FCHO2: variants seen among roughly 807,000 people sequenced by gnomAD.
FCHO2 encodes FCH and mu domain containing endocytic adaptor 2.
FCHO2 carries 43 observed loss-of-function variants against 114.1 expected under a neutral mutation model. The ratio of observed to expected loss-of-function variants is 0.38; its 90% confidence interval spans 0.30 to 0.49. FCHO2 has a LOEUF of 0.49. Among genes scored for constraint, FCHO2 ranks in the 20% least tolerant of loss-of-function variants. FCHO2 has a pLI of 0.97. For synonymous variants in FCHO2, 293 were observed against 315.2 expected (o/e 0.93, Z 0.75); for missense variants, 807 against 950.4 (o/e 0.85, Z 1.98).
intron 2 of FCHO2, among the ~76,000 whole-genome samples, chr5:72,983,408 T>C (rs964623656): frequency 1.3e-5 from 2 of 151,694 alleles, no homozygotes; most frequent in Non-Finnish European, 2.9e-5. Context: ...TTTGAGACAG[T>C]GTCTTGTTCT....
At chr5:73,087,566 G>A (rs377489722) in intron 24 of FCHO2, 23 bp from the exon 25 acceptor site, 1 of 1,611,320 alleles carries the variant, frequency 6.2e-7, no homozygotes, top group South Asian at 1.1e-5. Flanking sequence ...CCCTGTGTAA[G>A]TGCTTTATTC....
chr5:72,985,362 A>G (rs886166061), intron 2 of FCHO2, among the ~76,000 whole-genome samples: 1 of 151,820 alleles, frequency 6.6e-6, no homozygotes, highest in Non-Finnish European at 1.5e-5. Flanking sequence ...GGGTTTCACC[A>G]TGTTGGCCAG....
intron 5 of FCHO2, among the ~76,000 whole-genome samples, chr5:72,999,972 C>T (rs1754341880): frequency 6.6e-6 from 1 of 152,116 alleles, no homozygotes; most frequent in African/African-American, 2.4e-5. Flanking sequence ...GCTCCAGCTT[C>T]CCTTTTATTT....
chr5:73,047,402 T>C (rs1174551623), intron 11 of FCHO2, among the ~76,000 whole-genome samples: 4 of 152,134 alleles, frequency 2.6e-5, no homozygotes, highest in African/African-American at 4.8e-5. Context: ...TTCTGTAGTT[T>C]TTTTTTTTAA....
chr5:73,025,653 A>G (rs1369248946), intron 8 of FCHO2, among the ~76,000 whole-genome samples: 1 of 152,150 alleles, frequency 6.6e-6, no homozygotes, highest in Non-Finnish European at 1.5e-5. Context: ...TGCTGTGATT[A>G]TAGGTGTGAG....
At chr5:73,081,735 C>A in intron 22 of FCHO2, 48 bp from the exon 23 acceptor site, 1 of 1,377,380 alleles carries the variant, frequency 7.3e-7, no homozygotes, top group Non-Finnish European at 9.6e-7. Context: ...AACATGACTT[C>A]TTAACTTTTC....
chr5:73,084,544 G>T (rs763729832), intron 24 of FCHO2, among the ~76,000 whole-genome samples: 25 of 152,218 alleles, frequency 1.6e-4, no homozygotes, highest in Non-Finnish European at 3.1e-4. Flanking sequence ...GGGATTACAG[G>T]CATGAGCCAC....
At chr5:73,023,483 C>G (rs975713818) in intron 8 of FCHO2, among the ~76,000 whole-genome samples, 2 of 152,126 alleles carry the variant, frequency 1.3e-5, no homozygotes, top group African/African-American at 4.8e-5. Context: ...AGGTGTATTA[C>G]CTGAGGTCAG....
intron 17 of FCHO2, among the ~76,000 whole-genome samples, chr5:73,063,352 C>T (rs1199363250): frequency 2.1e-5 from 3 of 139,742 alleles, no homozygotes; most frequent in African/African-American, 7.9e-5. Context: ...AAATAATGTA[C>T]CCCCCAAAAT....
intron 1 of FCHO2, among the ~76,000 whole-genome samples, chr5:72,963,229 A>G (rs1478940914): frequency 2.0e-5 from 3 of 152,188 alleles, no homozygotes; most frequent in Non-Finnish European, 4.4e-5. Context: ...TAAGTAAAGC[A>G]AATTAGTGGT....
intron 2 of FCHO2, 101 bp from the exon 3 acceptor site, chr5:72,989,326 G>T: frequency 3.9e-6 from 3 of 775,344 alleles, no homozygotes; most frequent in Non-Finnish European, 6.2e-6. Context: ...TGTAATTTTT[G>T]AGGTATCTTT....
At chr5:72,963,479 T>C (rs1652243598) in intron 1 of FCHO2, among the ~76,000 whole-genome samples, 1 of 152,184 alleles carries the variant, frequency 6.6e-6, no homozygotes, top group South Asian at 2.1e-4. Context: ...TCAGTTGATA[T>C]TACCATCAAG....
intron 5 of FCHO2, among the ~76,000 whole-genome samples, chr5:72,991,310 C>T (rs1412395110): frequency 6.6e-6 from 1 of 152,172 alleles, no homozygotes; most frequent in Non-Finnish European, 1.5e-5. Context: ...GTGATCCGCC[C>T]ACCTTGGCCT....
chr5:73,044,300 A>G (rs1756953677), intron 11 of FCHO2, among the ~76,000 whole-genome samples: 1 of 152,162 alleles, frequency 6.6e-6, no homozygotes, highest in South Asian at 2.1e-4. Flanking sequence ...TGCAGTGGCA[A>G]CGATCATAGC....
chr5:73,006,131 T>C (rs1580088200), intron 5 of FCHO2, among the ~76,000 whole-genome samples: 1 of 152,326 alleles, frequency 6.6e-6, no homozygotes, highest in East Asian at 1.9e-4. Flanking sequence ...TGTTAACATA[T>C]CTTAGTAACA....
At chr5:72,963,902 G>GTTTTTTTTTTTTTTTT (rs70973214) in intron 1 of FCHO2, among the ~76,000 whole-genome samples, 2 of 95,694 alleles carry the variant, frequency 2.1e-5, no homozygotes, top group Non-Finnish European at 3.9e-5. Flanking sequence ...GGAACTTTCA[G>GTTTTTTTTTTTTTTTT]TTTTTTTTTT....
intron 5 of FCHO2, among the ~76,000 whole-genome samples, chr5:72,996,241 C>A (rs1580069255): frequency 8.1e-5 from 4 of 49,230 alleles, no homozygotes; most frequent in South Asian, 5.0e-4. Flanking sequence ...GAAACTCTGT[C>A]TCAAAAAAAA....
At chr5:73,054,475 A>G (rs373050464) in intron 14 of FCHO2, 50 bp from the exon 15 acceptor site, 174 of 1,475,276 alleles carry the variant, frequency 1.2e-4, no homozygotes, top group Non-Finnish European at 1.5e-4. Context: ...CAAATATTTA[A>G]TTATCAAATT....
At position 73,077,429 on chromosome 5, in the gene FCHO2, T is replaced by G; in HGVS notation, c.1783T>G (p.Cys595Gly). ...CAGCAATCCAACTCCAGCTGTGTTGTGCTTCAGGGTGAAAAATATCAGCAG... is the reference window on the plus strand; with the variant it reads ...CAGCAATCCAACTCCAGCTGTGTTGGGCTTCAGGGTGAAAAATATCAGCAG... ...FTSNPTPAVL[C>G]FRVKNISRLE... The change falls in exon 21 of 26, where the codon TGC becomes GGC. Residue 595 changes from cysteine to glycine, a missense_variant. By Grantham distance (159) the Cys-to-Gly change is radical. Transcript: ENST00000430046. 1 of 1,600,334 alleles carries G rather than the reference T, an allele frequency of 6.2e-7. No individual in the cohort carries two copies. The highest frequency in any genetic ancestry group is 2.2e-5 in the East Asian group (1 of 44,486).
Sources: gnomAD v4.1 joint callset for allele counts (sites outside exome capture counted in the v4.1 genomes callset) on GRCh38, gnomAD v4.1.1 for gene constraint, MANE v1.5 for transcripts, NCBI Gene and HGNC (gene_info 2026-07-23, HGNC 2026-07-21) for gene names.